PFKP: variants seen among roughly 807,000 people sequenced by gnomAD.
The protein encoded by PFKP is ATP-dependent 6-phosphofructokinase, platelet type.
In PFKP, 101 loss-of-function variants were observed where a neutral mutation model predicts 94.3. That is an observed-to-expected ratio of 1.07 (90% CI 0.91 to 1.26). The LOEUF is 1.26. Among genes scored for constraint, PFKP ranks in the 50% most tolerant of loss-of-function variants. The pLI, the probability that PFKP is intolerant of heterozygous loss-of-function variation, is 0.00. For synonymous variants in PFKP, 573 were observed against 432.6 expected (o/e 1.32, Z -4.03); for missense variants, 1,145 against 1,103.3 (o/e 1.04, Z -0.53).
intron 2 of PFKP, among the ~76,000 whole-genome samples, chr10:3,096,003 T>C (rs1270018816): frequency 6.6e-6 from 1 of 152,192 alleles, no homozygotes; most frequent in East Asian, 1.9e-4. Flanking sequence ...CACAAAATAA[T>C]GAAATTACTT....
Position 3,105,408 on chromosome 10 carries a change from G to A in PFKP, c.681G>A (p.Val227=). 2.5e-6 allele frequency: 4 copies of A among 1,613,878 alleles called. No homozygotes were observed. Among genetic ancestry groups the A allele is most frequent in the Non-Finnish European group, 3.4e-6 (4 of 1,179,804 alleles). Reference sequence around the variant, plus strand: ...GTCCACATAGGTACCTGGCCCTGGTGAGTGCCTTGGCCTGCGGTGCGGACT... The same window carrying A: ...GTCCACATAGGTACCTGGCCCTGGTAAGTGCCTTGGCCTGCGGTGCGGACT... ...MGRHCGYLAL[V]SALACGADWV... is the part of the protein sequence containing the mutation. The change falls in exon 7 of 22, where the codon GTG becomes GTA. Residue 227 remains valine (V), a synonymous_variant. Coordinates refer to ENST00000381125, the MANE Select transcript of PFKP (RefSeq NM_002627.5).
intron 16 of PFKP, chr10:3,125,124 G>A (rs371400786): frequency 3.4e-5 from 45 of 1,327,526 alleles, no homozygotes; most frequent in East Asian, 3.0e-4. Context: ...CGACATGGCC[G>A]AGGCACGAGG....
intron 1 of PFKP, among the ~76,000 whole-genome samples, chr10:3,077,524 C>A (rs1832716113): frequency 6.6e-6 from 1 of 151,862 alleles, no homozygotes; most frequent in Non-Finnish European, 1.5e-5. Flanking sequence ...CCTTGGCCTC[C>A]CAAAGTGCTG....
intron 8 of PFKP, 56 bp from the exon 9 acceptor site, chr10:3,108,645 C>A: frequency 7.6e-7 from 1 of 1,319,784 alleles, no homozygotes; most frequent in Admixed American, 1.7e-5. Context: ...CCTTCCAGAT[C>A]TGGGCTGCTG....
chr10:3,114,618 C>T (rs1836607302), intron 13 of PFKP, among the ~76,000 whole-genome samples: 1 of 152,258 alleles, frequency 6.6e-6, no homozygotes, highest in East Asian at 1.9e-4. Flanking sequence ...CGAGGAGGGC[C>T]TGCTGGAGAT....
At chr10:3,109,204 T>C (rs1835917310) in intron 9 of PFKP, 151 bp from the exon 10 acceptor site, 1 of 978,044 alleles carries the variant, frequency 1.0e-6, no homozygotes. Flanking sequence ...TCTAAAGGAG[T>C]GGAAATCGCT....
intron 15 of PFKP, among the ~76,000 whole-genome samples, chr10:3,119,084 A>C (rs980529666): frequency 8.9e-6 from 1 of 111,902 alleles, no homozygotes; most frequent in Non-Finnish European, 1.9e-5. Flanking sequence ...ACCGAGAAGC[A>C]AAAGCTTGAC....
At chr10:3,120,369 C>CTGTGTGTGTGTGTGTGTGTGTGTG (rs3841457) in intron 16 of PFKP, among the ~76,000 whole-genome samples, 26 of 108,580 alleles carry the variant, frequency 2.4e-4, no homozygotes, top group South Asian at 9.8e-4. Context: ...TTAAAAATCG[C>CTGTGTGTGTGTGTGTGTGTGTGTG]TGTGTGTGTG....
Position 3,134,585 on chromosome 10 carries a change from A to G in PFKP, c.2122+3A>G, listed in dbSNP as rs577183416. ...ACTCAAGGAGGCCCGGGGCAGAGGTAAGGGGTCTGGGGAGGGAGGCCACAG... is the reference window on the plus strand; with the variant it reads ...ACTCAAGGAGGCCCGGGGCAGAGGTGAGGGGTCTGGGGAGGGAGGCCACAG... On this transcript the variant is annotated splice_donor_region_variant and intron_variant, in intron 20 of 21. Transcript: ENST00000381125. The G allele has an allele frequency of 8.7e-6, 14 of 1,603,506 alleles. No individual in the cohort carries two copies. In the African/African-American group the frequency reaches 1.3e-4, roughly 15 times the overall value.
At chr10:3,128,467 G>A (rs148737993) in intron 16 of PFKP, among the ~76,000 whole-genome samples, 233 of 151,492 alleles carry the variant, frequency 1.5e-3, no homozygotes, top group Non-Finnish European at 2.6e-3. Context: ...CGTGGCCGCT[G>A]TGACACTGAC....
At chr10:3,130,514 C>T (rs1239620264) in intron 17 of PFKP, among the ~76,000 whole-genome samples, 1 of 152,192 alleles carries the variant, frequency 6.6e-6, no homozygotes, top group Admixed American at 6.5e-5. Flanking sequence ...TTCAAAGTTG[C>T]TAAACTTCAT....
intron 16 of PFKP, among the ~76,000 whole-genome samples, chr10:3,124,680 C>T (rs1189631715): frequency 2.0e-5 from 3 of 152,210 alleles, no homozygotes; most frequent in Non-Finnish European, 2.9e-5. Flanking sequence ...TGCCCCATCC[C>T]ACTGATCCTT....
At chr10:3,135,117 CTTG>C (rs528398596) in intron 20 of PFKP, among the ~76,000 whole-genome samples, 95 of 152,290 alleles carry the variant, frequency 6.2e-4, no homozygotes, top group Admixed American at 2.6e-3. Context: ...TTATAATACT[CTTG>C]TTAATGGCTC....
rs111839648 is a variant in PFKP at position 3,109,515 on chromosome 10, A to G, written c.1089+35A>G. Reference sequence around the variant, plus strand: ...CAGCCCATGGCCAAGGGCAGGGCGGAGACGGCTGGGACAGAAGCTGCTTGT... The same window carrying G: ...CAGCCCATGGCCAAGGGCAGGGCGGGGACGGCTGGGACAGAAGCTGCTTGT... On this transcript the variant is annotated intron_variant, in intron 10 of 21. Coordinates refer to ENST00000381125, the MANE Select transcript of PFKP (RefSeq NM_002627.5). 4,901 of 1,593,814 alleles carry G rather than the reference A, an allele frequency of 3.1e-3. 134 individuals are homozygous for G. The African/African-American group carries it at 0.058, about 19-fold the overall frequency.
intron 1 of PFKP, among the ~76,000 whole-genome samples, chr10:3,081,737 G>GATGATACATTGTAAGCAGACTTAT (rs1180881769): frequency 1.3e-5 from 2 of 151,220 alleles, no homozygotes; most frequent in African/African-American, 4.9e-5. Context: ...AGACTTATAT[G>GATGATACATTGTAAGCAGACTTAT]ATGATACATT....
chr10:3,103,988 C>T (rs2306294), intron 5 of PFKP, 44 bp downstream of exon 5: 731,016 of 1,584,536 alleles, frequency 0.46, 172,010 homozygotes, highest in African/African-American at 0.7. Context: ...TGGGGCCCGA[C>T]GTGTGCCCAG....
At chr10:3,116,562 C>T (rs1006039894) in intron 13 of PFKP, among the ~76,000 whole-genome samples, 9 of 152,288 alleles carry the variant, frequency 5.9e-5, no homozygotes, top group South Asian at 4.2e-4. Context: ...GCAGGGAGAA[C>T]GCAGCCCCTC....
intron 1 of PFKP, among the ~76,000 whole-genome samples, chr10:3,071,195 T>G (rs1832150571): frequency 1.3e-5 from 2 of 152,206 alleles, no homozygotes; most frequent in African/African-American, 4.8e-5. Flanking sequence ...GGAAAATGCC[T>G]TTTTATAGTG....
intron 8 of PFKP, chr10:3,107,854 A>G: frequency 7.8e-7 from 1 of 1,282,456 alleles, no homozygotes; most frequent in Non-Finnish European, 1.0e-6. Context: ...GCCTGTCTGG[A>G]GAGGACTCTG....
Sources: gnomAD v4.1 joint callset for allele counts (sites outside exome capture counted in the v4.1 genomes callset) on GRCh38, gnomAD v4.1.1 for gene constraint, MANE v1.5 for transcripts, NCBI Gene and HGNC (gene_info 2026-07-23, HGNC 2026-07-21) for gene names.